Variants in IMMP1L observed in about 807,000 individuals in gnomAD.
The protein encoded by IMMP1L is mitochondrial inner membrane protease subunit 1.
In IMMP1L, 24 loss-of-function variants were observed where a neutral mutation model predicts 21.8. The observed-to-expected ratio is 1.10, with a 90% CI of 0.80 to 1.55. The LOEUF is 1.55. Among genes scored for constraint, IMMP1L ranks in the 40% most tolerant of loss-of-function variants. The probability of loss-of-function intolerance (pLI) is 0.00; values close to 1 mark genes in which losing one functional copy is unlikely to be tolerated. For missense variants in IMMP1L, 195 were observed against 200.7 expected (o/e 0.97, Z 0.17); for synonymous variants, 46 against 62.8 (o/e 0.73, Z 1.26).
intron 1 of IMMP1L, among the ~76,000 whole-genome samples, chr11:31,508,829 A>G (rs1291148314): frequency 6.6e-6 from 1 of 152,236 alleles, no homozygotes; most frequent in Non-Finnish European, 1.5e-5. Context: ...ATTAAATACA[A>G]AAATACAACT....
chr11:31,445,672 A>G (rs183582419), intron 4 of IMMP1L, among the ~76,000 whole-genome samples: 38 of 152,302 alleles, frequency 2.5e-4, no homozygotes, highest in Non-Finnish European at 3.4e-4. Context: ...TATTTAGAAT[A>G]AAATCTAGGT....
intron 3 of IMMP1L, among the ~76,000 whole-genome samples, chr11:31,460,112 G>A (rs929642561): frequency 2.6e-5 from 4 of 151,980 alleles, no homozygotes; most frequent in Non-Finnish European, 4.4e-5. Flanking sequence ...AGCTGAGATC[G>A]TGTCACTGCA....
At chr11:31,453,372 C>T (rs1461658059) in intron 4 of IMMP1L, among the ~76,000 whole-genome samples, 2 of 151,976 alleles carry the variant, frequency 1.3e-5, no homozygotes, top group African/African-American at 4.8e-5. Context: ...CTTTTTTTGC[C>T]TGGAATTCAA....
intron 4 of IMMP1L, among the ~76,000 whole-genome samples, chr11:31,443,149 A>G (rs1953398449): frequency 6.6e-6 from 1 of 152,202 alleles, no homozygotes; most frequent in African/African-American, 2.4e-5. Flanking sequence ...TTATGTAACC[A>G]AAGTGTGGCC....
rs769800131 is a variant in IMMP1L at position 31,463,190 on chromosome 11, G to A, written c.87C>T (p.Tyr29=). The change falls in exon 2 of 6, where the codon TAC becomes TAT. Residue 29 remains tyrosine (Y), a synonymous_variant. Transcript: ENST00000532287. ...YGCIAHCAFE[Y]VGGVVMCSGP... is the part of the protein sequence containing the mutation. ...AACTTACCATGACAACACCACCAACGTATTCAAAAGCACAATGAGCTATAC... is the reference window on the plus strand; with the variant it reads ...AACTTACCATGACAACACCACCAACATATTCAAAAGCACAATGAGCTATAC... 1.2e-5 allele frequency: 20 copies of A among 1,605,772 alleles called. No individual in the cohort carries two copies. The highest frequency in any genetic ancestry group is 3.4e-5 in the Admixed American group (2 of 58,772).
In IMMP1L at chr11:31,456,368, T is replaced by C; in HGVS notation, c.213A>G (p.Ala71=). The C allele has an allele frequency of 6.2e-7, 1 of 1,611,906 alleles. No individual in the cohort carries two copies. The highest frequency in any genetic ancestry group is 8.5e-7 in the Non-Finnish European group (1 of 1,178,482). Residue 71 remains alanine, a synonymous_variant, in exon 4 of 6, where the codon GCA becomes GCG. Coordinates refer to ENST00000532287, the MANE Select transcript of IMMP1L (RefSeq NM_001304274.2). ...TTGATTTTGGATCACTTGGGCTTTT[T>C]GCAATCACAATGTCACCTCTGAGGG... ...YGIQRGDIVI[A]KSPSDPKSNI...
chr11:31,481,671 C>A (rs1367035044), intron 1 of IMMP1L, among the ~76,000 whole-genome samples: 1 of 151,670 alleles, frequency 6.6e-6, no homozygotes, highest in Non-Finnish European at 1.5e-5. Context: ...CATTTTTGAA[C>A]AATAAAAAGA....
At chr11:31,477,885 T>A (rs1417317749) in intron 1 of IMMP1L, 2 of 152,156 alleles carry the variant, frequency 1.3e-5, no homozygotes, top group African/African-American at 4.8e-5. Flanking sequence ...AATACATCTG[T>A]TAAAAAATCC....
At chr11:31,475,812 G>A (rs753682284) in intron 1 of IMMP1L, among the ~76,000 whole-genome samples, 1 of 152,080 alleles carries the variant, frequency 6.6e-6, no homozygotes, top group Non-Finnish European at 1.5e-5. Flanking sequence ...CTTCAGATGA[G>A]TTTATTTGAG....
chr11:31,443,973 C>T (rs1263194859), intron 4 of IMMP1L, among the ~76,000 whole-genome samples: 2 of 152,142 alleles, frequency 1.3e-5, no homozygotes, highest in African/African-American at 4.8e-5. Context: ...CTTGCTCATT[C>T]TCGTGGCGAT....
intron 1 of IMMP1L, among the ~76,000 whole-genome samples, chr11:31,471,910 T>A (rs984252481): frequency 2.0e-5 from 3 of 152,232 alleles, no homozygotes; most frequent in Admixed American, 6.5e-5. Context: ...ACTGTTTCTT[T>A]CTAAAGGCTT....
chr11:31,432,632 C>T (rs1952948036), intron 5 of IMMP1L, 64 bp from the exon 6 acceptor site: 11 of 1,075,440 alleles, frequency 1.0e-5, no homozygotes, highest in Non-Finnish European at 2.9e-6. Context: ...CATCATATTC[C>T]CTTTTGCTAT....
intron 4 of IMMP1L, among the ~76,000 whole-genome samples, chr11:31,434,932 G>A (rs1295937145): frequency 1.3e-5 from 2 of 152,070 alleles, no homozygotes; most frequent in Non-Finnish European, 2.9e-5. Flanking sequence ...GACTGCTCTA[G>A]TAGGAAAGTG....
intron 4 of IMMP1L, among the ~76,000 whole-genome samples, chr11:31,435,489 T>G (rs1171572606): frequency 6.6e-6 from 1 of 152,224 alleles, no homozygotes; most frequent in Non-Finnish European, 1.5e-5. Flanking sequence ...GGTGCAAAAA[T>G]AACTGCGGTT....
chr11:31,432,407 GC>G lies in IMMP1L; in HGVS notation c.*92del. The G allele has an allele frequency of 2.4e-6, 2 of 823,918 alleles. No individual in the cohort carries two copies. The highest frequency in any genetic ancestry group is 4.0e-6 in the Non-Finnish European group (2 of 498,910). 51.0% of individuals were successfully genotyped at this position (823,918 alleles called of 1,614,324 possible). On this transcript the variant is annotated 3_prime_UTR_variant, in exon 6 of 6. Coordinates refer to ENST00000532287, the MANE Select transcript of IMMP1L (RefSeq NM_001304274.2). Reference sequence around the variant, plus strand: ...AATTAAAAACAACTAAAACTGAATAGCAAATAGTTTATTGGTAAGTACACGG... The same window carrying G: ...AATTAAAAACAACTAAAACTGAATAGAAATAGTTTATTGGTAAGTACACGG...
At chr11:31,435,061 T>C (rs1348198282) in intron 4 of IMMP1L, among the ~76,000 whole-genome samples, 1 of 152,224 alleles carries the variant, frequency 6.6e-6, no homozygotes, top group African/African-American at 2.4e-5. Context: ...GTGTCTAAAT[T>C]TCCATAGTTT....
rs140667837 is a variant in IMMP1L at position 31,435,740 on chromosome 11, C to T, written c.322-2170G>A. ...TCATTTCATAAGCACTCTTTCAATA[C>T]TAGGGAGATTAGCCCTTTGTGGTAC... On this transcript the variant is annotated intron_variant, in intron 4 of 5. Transcript: ENST00000532287. Among the ~76,000 whole-genome samples the T allele has an allele frequency of 1.4e-4, 22 of 152,226 alleles. No individual in the cohort carries two copies. In the East Asian group the frequency reaches 4.2e-3, roughly 29 times the overall value.
At chr11:31,501,922 G>A (rs910152108) in intron 1 of IMMP1L, among the ~76,000 whole-genome samples, 1 of 151,800 alleles carries the variant, frequency 6.6e-6, no homozygotes, top group African/African-American at 2.4e-5. Flanking sequence ...AGGTTACAGT[G>A]AGCCAAGATC....
intron 4 of IMMP1L, chr11:31,452,341 CTTCTT>C (rs1953784374): frequency 2.0e-6 from 2 of 985,192 alleles, no homozygotes; most frequent in Non-Finnish European, 2.4e-6. Flanking sequence ...TGCTTTTCTT[CTTCTT>C]TTAATTGGCT....
Sources: gnomAD v4.1 joint callset for allele counts (sites outside exome capture counted in the v4.1 genomes callset) on GRCh38, gnomAD v4.1.1 for gene constraint, MANE v1.5 for transcripts, NCBI Gene and HGNC (gene_info 2026-07-23, HGNC 2026-07-21) for gene names.